TBC1D16: variants seen among roughly 807,000 people sequenced by gnomAD.
TBC1D16 encodes the protein CTD-2529O21.1.
A neutral mutation model predicts 74.7 loss-of-function variants in TBC1D16; 58 were observed. The observed-to-expected ratio is 0.78, with a 90% CI of 0.63 to 0.97. TBC1D16 has a LOEUF of 0.97. Among genes scored for constraint, TBC1D16 ranks in the 50% least tolerant of loss-of-function variants. The probability of loss-of-function intolerance (pLI) is 0.00; values close to 1 mark genes in which losing one functional copy is unlikely to be tolerated. For synonymous variants in TBC1D16, 493 were observed against 474.7 expected (o/e 1.04, Z -0.50); for missense variants, 1,014 against 1,079.5 (o/e 0.94, Z 0.85).
Position 79,980,845 on chromosome 17 carries a change from C to T in TBC1D16, c.780-28027G>A, listed in dbSNP as rs1340445429. On this transcript the variant is annotated intron_variant, in intron 3 of 11. Coordinates refer to ENST00000310924, the MANE Select transcript of TBC1D16 (RefSeq NM_019020.4). The surrounding 1 kb of genome is among the most constrained non-coding windows in gnomAD (Gnocchi z 7.0). ...CGAATCTGTGCCCTGGTCCCCGTTACTGTTCCTGCAGGCTGGAAGGGGAGC... is the reference window on the plus strand; with the variant it reads ...CGAATCTGTGCCCTGGTCCCCGTTATTGTTCCTGCAGGCTGGAAGGGGAGC... Among the ~76,000 whole-genome samples the T allele has an allele frequency of 1.3e-5, 2 of 152,204 alleles. No individual in the cohort carries two copies. The highest frequency in any genetic ancestry group is 2.4e-5 in the African/African-American group (1 of 41,460).
intron 11 of TBC1D16, 28 bp downstream of exon 11, chr17:79,942,032 G>A (rs749372918): frequency 8.2e-6 from 13 of 1,587,138 alleles, no homozygotes; most frequent in Non-Finnish European, 1.1e-5. Context: ...GCGGGGCGGG[G>A]TGGGGCCCAC....
chr17:80,020,566 CAG>C (rs2143089457), intron 1 of TBC1D16, among the ~76,000 whole-genome samples: 1 of 149,432 alleles, frequency 6.7e-6, no homozygotes, highest in East Asian at 1.9e-4. Flanking sequence ...GCCTGGGAGA[CAG>C]AGCGAGACTC....
At chr17:79,977,171 C>A (rs2034365449) in intron 3 of TBC1D16, among the ~76,000 whole-genome samples, 1 of 152,236 alleles carries the variant, frequency 6.6e-6, no homozygotes, top group Admixed American at 6.5e-5. Context: ...CGAACCCCAG[C>A]CCAACGTCCA....
intron 1 of TBC1D16, among the ~76,000 whole-genome samples, chr17:80,023,051 G>A (rs1440744842): frequency 1.3e-5 from 2 of 150,144 alleles, no homozygotes; most frequent in East Asian, 1.9e-4. Flanking sequence ...CTGCCGCAAC[G>A]CTGCACATGT....
In TBC1D16 at chr17:79,971,068, GCTGGAGTGCAGTGGCGCTATCTCGGCTCA is replaced by G. The variant is rs1297674784; in HGVS notation, c.780-18279_780-18251del. On this transcript the variant is annotated intron_variant, in intron 3 of 11. Transcript: ENST00000310924. This position sits in a 1 kb window ranked among gnomAD's most constrained non-coding sequence, Gnocchi z 4.6. ...GATGGAGTCTGTCTCCATTGCCCAG[GCTGGAGTGCAGTGGCGCTATCTCGGCTCA>G]CTGCAACCTCCACCTCTCGGGTTCA... Among the ~76,000 whole-genome samples the G allele has an allele frequency of 6.6e-6, 1 of 151,324 alleles. No homozygotes were observed.
intron 1 of TBC1D16, among the ~76,000 whole-genome samples, chr17:80,031,216 G>A (rs936172220): frequency 1.3e-5 from 2 of 152,216 alleles, no homozygotes; most frequent in Non-Finnish European, 2.9e-5. Context: ...CTCATCAGGA[G>A]GATAATCCCC....
rs770058414 is a variant in TBC1D16, at chr17:79,944,794, T to C, written c.1908+114A>G. On this transcript the variant is annotated intron_variant, in intron 10 of 11. Transcript: ENST00000310924. The surrounding 1 kb of genome is among the most constrained non-coding windows in gnomAD (Gnocchi z 7.7). ...AGGCAGTCGCCGTATGGGGGGCTAA[T>C]GTGTGGCTGTGGGTGGGGGGCGGCG... 32 of 973,644 alleles carry C rather than the reference T, an allele frequency of 3.3e-5. No homozygotes were observed. The highest frequency in any genetic ancestry group is 4.7e-5 in the Non-Finnish European group (32 of 676,184). 60.3% of individuals were successfully genotyped at this position (973,644 alleles called of 1,614,324 possible). A position where few individuals can be genotyped will look rare whatever the true frequency, so the allele number is the denominator to read the frequency against.
chr17:79,974,163 G>T (rs976281293), intron 3 of TBC1D16, among the ~76,000 whole-genome samples: 4 of 152,194 alleles, frequency 2.6e-5, no homozygotes, highest in African/African-American at 9.7e-5. Flanking sequence ...GGGAGGGTAG[G>T]AGACTTCATT....
chr17:79,978,404 GA>G lies in TBC1D16; in HGVS notation c.780-25587del, dbSNP rs753571619. On this transcript the variant is annotated intron_variant, in intron 3 of 11. Transcript: ENST00000310924. ...CAGGTTGATTACCAGCACGGTTTAG[GA>G]AAAGATAACCAGGCCCGGCCTTTCT... Among the ~76,000 whole-genome samples the G allele has an allele frequency of 5.4e-5, 8 of 149,358 alleles. 1 individual carries two copies. In the South Asian group the frequency reaches 1.8e-3, roughly 34 times the overall value.
Position 79,944,801 on chromosome 17 carries a change from C to T in TBC1D16, c.1908+107G>A. 3 of 1,066,898 alleles carry T rather than the reference C, an allele frequency of 2.8e-6. No individual in the cohort carries two copies. The highest frequency in any genetic ancestry group is 4.0e-6 in the Non-Finnish European group (3 of 759,108). 66.1% of individuals were successfully genotyped at this position (1,066,898 alleles called of 1,614,324 possible). A position where few individuals can be genotyped will look rare whatever the true frequency, so the allele number is the denominator to read the frequency against. ...CGCCGTATGGGGGGCTAATGTGTGGCTGTGGGTGGGGGGCGGCGAGGCGGA... is the reference window on the plus strand; with the variant it reads ...CGCCGTATGGGGGGCTAATGTGTGGTTGTGGGTGGGGGGCGGCGAGGCGGA... On this transcript the variant is annotated intron_variant, in intron 10 of 11. Transcript: ENST00000310924. This position sits in a 1 kb window ranked among gnomAD's most constrained non-coding sequence, Gnocchi z 7.7.
chr17:79,994,585 G>A lies in TBC1D16; in HGVS notation c.779+15575C>T, dbSNP rs1224732938. On this transcript the variant is annotated intron_variant, in intron 3 of 11. Coordinates refer to ENST00000310924, the MANE Select transcript of TBC1D16 (RefSeq NM_019020.4). The surrounding 1 kb of genome is among the most constrained non-coding windows in gnomAD (Gnocchi z 4.6). ...ATTACAGGTGTCTGCCACCACGCCC[G>A]GCTAATTTTTGTATTTTTAATAGAG... Among the ~76,000 whole-genome samples, 9 of 152,186 alleles carry A rather than the reference G, an allele frequency of 5.9e-5. No homozygotes were observed. The highest frequency in any genetic ancestry group is 3.9e-4 in the East Asian group (2 of 5,168).
chr17:80,010,035 GCGGGCAGGT>G lies in TBC1D16; in HGVS notation c.779+116_779+124del, dbSNP rs2035816354. 1 of 821,940 alleles carries G rather than the reference GCGGGCAGGT, an allele frequency of 1.2e-6. No homozygotes were observed. The allele number at this position is 821,940 out of a possible 1,614,324, so 50.9% of individuals were successfully genotyped here. Reference sequence around the variant, plus strand: ...TCCTGCCACAGCCACGGCCACAGCCGCGGGCAGGTCGGGCAGATGCCTCCAGCGCTCACC... The same window carrying G: ...TCCTGCCACAGCCACGGCCACAGCCGCGGGCAGATGCCTCCAGCGCTCACC... On this transcript the variant is annotated intron_variant, in intron 3 of 11. Transcript: ENST00000310924. This position sits in a 1 kb window ranked among gnomAD's most constrained non-coding sequence, Gnocchi z 8.8.
chr17:79,938,666 A>G lies in TBC1D16; in HGVS notation c.*2193T>C, dbSNP rs2031772671. 6.6e-6 allele frequency: 1 copy of G among 152,200 alleles called. No individual in the cohort carries two copies. Among genetic ancestry groups the G allele is most frequent in the South Asian group, 2.1e-4 (1 of 4,834 alleles). 9.4% of individuals were successfully genotyped at this position (152,200 alleles called of 1,614,324 possible). A position where few individuals can be genotyped will look rare whatever the true frequency, so the allele number is the denominator to read the frequency against. On this transcript the variant is annotated 3_prime_UTR_variant, in exon 12 of 12. Transcript: ENST00000310924. ...GAGTCCCAGTTGTTTAGCCCTCCAAATTCTCAGCCTACTGCCACCCGACTG... is the reference window on the plus strand; with the variant it reads ...GAGTCCCAGTTGTTTAGCCCTCCAAGTTCTCAGCCTACTGCCACCCGACTG...
At position 79,983,550 on chromosome 17, in the gene TBC1D16, C is replaced by G. The variant is rs1215478211; in HGVS notation, c.779+26610G>C. Among the ~76,000 whole-genome samples, 2 of 152,224 alleles carry G rather than the reference C, an allele frequency of 1.3e-5. No homozygotes were observed. Among genetic ancestry groups the G allele is most frequent in the Non-Finnish European group, 2.9e-5 (2 of 68,038 alleles). ...AGCACCTCAGGCACGGGGAGCTGAG[C>G]CACCGACGGCTACAAAGACGGGGAC... On this transcript the variant is annotated intron_variant, in intron 3 of 11. Transcript: ENST00000310924. The surrounding 1 kb of genome is among the most constrained non-coding windows in gnomAD (Gnocchi z 5.6).
At chr17:80,005,650 C>T (rs1568629021) in intron 3 of TBC1D16, among the ~76,000 whole-genome samples, 1 of 152,182 alleles carries the variant, frequency 6.6e-6, no homozygotes, top group Admixed American at 6.5e-5. Flanking sequence ...TCCCCCAAGT[C>T]AGCCTCGAAT....
Position 79,942,028 on chromosome 17 carries a change from CGGGGT to C in TBC1D16, c.2055+27_2055+31del, listed in dbSNP as rs781174637. ...GTGGGGTGGGGCTTTGGGGGCGGGG[CGGGGT>C]GGGGCCCACATCTGGGGCAGCCTCA... On this transcript the variant is annotated intron_variant, in intron 11 of 11. Coordinates refer to ENST00000310924, the MANE Select transcript of TBC1D16 (RefSeq NM_019020.4). 42 of 674,542 alleles carry C rather than the reference CGGGGT, an allele frequency of 6.2e-5. No homozygotes were observed. In the East Asian group the frequency reaches 3.9e-3, roughly 63 times the overall value. The allele number at this position is 674,542 out of a possible 1,614,324, so 41.8% of individuals were successfully genotyped here.
intron 1 of TBC1D16, among the ~76,000 whole-genome samples, chr17:80,034,242 C>A (rs1282616222): frequency 1.4e-5 from 2 of 148,058 alleles, no homozygotes; most frequent in African/African-American, 5.0e-5. Flanking sequence ...TGCTCTATCA[C>A]CCGGGCTGGG....
At position 79,986,120 on chromosome 17, in the gene TBC1D16, G is replaced by A. The variant is rs1011517560; in HGVS notation, c.779+24040C>T. Among the ~76,000 whole-genome samples the A allele has an allele frequency of 3.9e-5, 6 of 152,332 alleles. No individual in the cohort carries two copies. Among genetic ancestry groups the A allele is most frequent in the Non-Finnish European group, 8.8e-5 (6 of 68,030 alleles). Reference sequence around the variant, plus strand: ...ATCCCTCAAACGGAGAGATAATCAGGAAATAAAAGCTTTTGATTAGCAGCT... The same window carrying A: ...ATCCCTCAAACGGAGAGATAATCAGAAAATAAAAGCTTTTGATTAGCAGCT... On this transcript the variant is annotated intron_variant, in intron 3 of 11. Coordinates refer to ENST00000310924, the MANE Select transcript of TBC1D16 (RefSeq NM_019020.4). This position sits in a 1 kb window ranked among gnomAD's most constrained non-coding sequence, Gnocchi z 6.0.
At chr17:79,978,065 C>T (rs749719731) in intron 3 of TBC1D16, among the ~76,000 whole-genome samples, 22 of 152,234 alleles carry the variant, frequency 1.4e-4, no homozygotes, top group Non-Finnish European at 2.9e-5. Flanking sequence ...CGGCCGGATT[C>T]TGCCATCCCA....
Sources: gnomAD v4.1 joint callset for allele counts (sites outside exome capture counted in the v4.1 genomes callset) on GRCh38, gnomAD v4.1.1 for gene constraint, Gnocchi (gnomAD v3.1) non-coding constraint, MANE v1.5 for transcripts, NCBI Gene and HGNC (gene_info 2026-07-23, HGNC 2026-07-21) for gene names.